Variants in ERBB4 observed in about 807,000 individuals in gnomAD.
ERBB4 encodes the protein erb-b2 receptor tyrosine kinase 4.
ERBB4 carries 42 observed loss-of-function variants against 158.0 expected under a neutral mutation model. That is an observed-to-expected ratio of 0.27 (90% CI 0.21 to 0.34). The LOEUF (loss-of-function observed/expected upper bound fraction) is 0.34, where lower values mean the gene tolerates loss of function less well. ERBB4 is among the 10% of genes least tolerant of loss of function. The pLI, the probability that ERBB4 is intolerant of heterozygous loss-of-function variation, is 1.00. For synonymous variants in ERBB4, 583 were observed against 558.7 expected (o/e 1.04, Z -0.61); for missense variants, 1,333 against 1,624.1 (o/e 0.82, Z 3.08).
intron 1 of ERBB4, among the ~76,000 whole-genome samples, chr2:212,139,842 T>C (rs149062518): frequency 2.0e-3 from 303 of 152,084 alleles, no homozygotes; most frequent in African/African-American, 7.0e-3. Flanking sequence ...TTTTTAAAAT[T>C]TGAAGCACAC....
intron 2 of ERBB4, among the ~76,000 whole-genome samples, chr2:212,123,551 T>C (rs534584639): frequency 1.2e-4 from 19 of 152,200 alleles, no homozygotes; most frequent in African/African-American, 2.4e-4. Context: ...TTTTGACACA[T>C]AACTTACAGA....
intron 2 of ERBB4, among the ~76,000 whole-genome samples, chr2:211,977,079 T>C (rs886167597): frequency 1.3e-5 from 2 of 152,184 alleles, no homozygotes; most frequent in Non-Finnish European, 2.9e-5. Context: ...AAGAGGTATA[T>C]TCCTTACAAA....
intron 1 of ERBB4, among the ~76,000 whole-genome samples, chr2:212,432,597 C>T (rs1318684651): frequency 2.0e-5 from 3 of 152,006 alleles, no homozygotes; most frequent in Non-Finnish European, 4.4e-5. Context: ...TTCAATATGT[C>T]TAAATATCAC....
intron 4 of ERBB4, among the ~76,000 whole-genome samples, chr2:211,762,943 T>C (rs2075451212): frequency 6.6e-6 from 1 of 152,182 alleles, no homozygotes. Flanking sequence ...TAAACCATTC[T>C]CCTCAAGTAT....
chr2:211,443,183 A>G (rs2064028902), intron 20 of ERBB4, among the ~76,000 whole-genome samples: 1 of 152,098 alleles, frequency 6.6e-6, no homozygotes, highest in Non-Finnish European at 1.5e-5. Flanking sequence ...AGTAATAAAT[A>G]TACTTGCAAA....
chr2:211,736,607 T>C (rs1399070143), intron 5 of ERBB4, among the ~76,000 whole-genome samples: 1 of 152,190 alleles, frequency 6.6e-6, no homozygotes, highest in Non-Finnish European at 1.5e-5. Flanking sequence ...GAGCCACTGG[T>C]GATAAAATTT....
At chr2:212,006,354 A>G (rs2076260011) in intron 2 of ERBB4, among the ~76,000 whole-genome samples, 1 of 152,104 alleles carries the variant, frequency 6.6e-6, no homozygotes. Context: ...CCTTTTTAAT[A>G]AAGATTCTAA....
At chr2:211,804,385 G>C (rs73069385) in intron 3 of ERBB4, among the ~76,000 whole-genome samples, 2,326 of 152,218 alleles carry the variant, frequency 0.015, 60 homozygotes, top group African/African-American at 0.054. Flanking sequence ...TGGCATAGGA[G>C]AAAGGAAATT....
At chr2:212,395,918 G>C (rs2091013120) in intron 1 of ERBB4, among the ~76,000 whole-genome samples, 1 of 151,976 alleles carries the variant, frequency 6.6e-6, no homozygotes, top group African/African-American at 2.4e-5. Context: ...CGCCCAGCCA[G>C]CTATACTTTT....
chr2:212,163,679 T>C (rs568947545), intron 1 of ERBB4, among the ~76,000 whole-genome samples: 2 of 152,190 alleles, frequency 1.3e-5, no homozygotes, highest in South Asian at 2.1e-4. Context: ...AGTTCTACCA[T>C]TAAAAGCCAG....
At chr2:212,210,213 C>CAAAAA (rs58137267) in intron 1 of ERBB4, among the ~76,000 whole-genome samples, 1 of 135,646 alleles carries the variant, frequency 7.4e-6, no homozygotes. Flanking sequence ...AATGCTAGTG[C>CAAAAA]AAAAAAAAAA....
At chr2:211,481,391 A>T in intron 20 of ERBB4, among the ~76,000 whole-genome samples, 1 of 152,222 alleles carries the variant, frequency 6.6e-6, no homozygotes, top group East Asian at 1.9e-4. Flanking sequence ...TCGTTTCTGA[A>T]TTTTTTACAG....
chr2:211,938,194 C>T (rs2080382017), intron 3 of ERBB4, among the ~76,000 whole-genome samples: 1 of 152,092 alleles, frequency 6.6e-6, no homozygotes, highest in Non-Finnish European at 1.5e-5. Flanking sequence ...ATTTCCAGAA[C>T]TGCATTTAAT....
At chr2:211,887,823 T>C (rs2078845127) in intron 3 of ERBB4, among the ~76,000 whole-genome samples, 1 of 152,122 alleles carries the variant, frequency 6.6e-6, no homozygotes, top group African/African-American at 2.4e-5. Flanking sequence ...TCCAAGAGGG[T>C]ATGGATTTGA....
intron 2 of ERBB4, among the ~76,000 whole-genome samples, chr2:211,971,356 G>A (rs1483459170): frequency 1.3e-5 from 2 of 152,094 alleles, no homozygotes; most frequent in East Asian, 3.9e-4. Context: ...AACTGAACCA[G>A]GAAGAAACTG....
At chr2:211,954,029 G>C (rs1165838854) in intron 2 of ERBB4, among the ~76,000 whole-genome samples, 1 of 151,934 alleles carries the variant, frequency 6.6e-6, no homozygotes, top group Non-Finnish European at 1.5e-5. Context: ...TTTACCTCTA[G>C]ATCATTTCAG....
At chr2:211,806,411 A>C (rs528650715) in intron 3 of ERBB4, among the ~76,000 whole-genome samples, 1 of 152,208 alleles carries the variant, frequency 6.6e-6, no homozygotes, top group Admixed American at 6.5e-5. Flanking sequence ...AATTATGAGT[A>C]TAGAAGGAGA....
chr2:211,628,054 T>A (rs754796500), intron 17 of ERBB4, among the ~76,000 whole-genome samples: 8 of 152,250 alleles, frequency 5.3e-5, no homozygotes, highest in Non-Finnish European at 1.0e-4. Context: ...CATTGACTAC[T>A]AATTTAATGA....
chr2:212,343,547 A>C (rs2088828162), intron 1 of ERBB4, among the ~76,000 whole-genome samples: 1 of 152,180 alleles, frequency 6.6e-6, no homozygotes, highest in Non-Finnish European at 1.5e-5. Context: ...ACTGAACAGG[A>C]AAGAGGGCCA....
Sources: gnomAD v4.1 joint callset for allele counts (sites outside exome capture counted in the v4.1 genomes callset) on GRCh38, gnomAD v4.1.1 for gene constraint, MANE v1.5 for transcripts, NCBI Gene and HGNC (gene_info 2026-07-23, HGNC 2026-07-21) for gene names.